Variants in LRFN5 observed in about 807,000 individuals in gnomAD.
LRFN5 encodes the protein leucine-rich repeat and fibronectin type-III domain-containing protein 5.
Under a neutral mutation model 45.6 loss-of-function variants are expected in LRFN5, and 24 were observed. That is an observed-to-expected ratio of 0.53 (90% confidence interval 0.38 to 0.74). The LOEUF (loss-of-function observed/expected upper bound fraction) is 0.74. Ranked by LOEUF, LRFN5 falls within the 30% of genes least tolerant of loss-of-function variation. The probability of loss-of-function intolerance (pLI) is 0.00; values close to 1 mark genes in which losing one functional copy is unlikely to be tolerated. For missense variants in LRFN5, 776 were observed against 861.5 expected (o/e 0.90, Z 1.24); for synonymous variants, 340 against 313.8 (o/e 1.08, Z -0.88).
intron 1 of LRFN5, among the ~76,000 whole-genome samples, chr14:41,634,405 C>T (rs560127838): frequency 7.2e-5 from 11 of 152,210 alleles, no homozygotes; most frequent in South Asian, 2.1e-4. Context: ...AGTTTCTCCC[C>T]GTGGAGTCTC....
intron 1 of LRFN5, among the ~76,000 whole-genome samples, chr14:41,610,661 T>TAAAAAAAAAAAAAAAAAA (rs199770856): frequency 0.027 from 1,020 of 37,182 alleles, 192 homozygotes; most frequent in Middle Eastern, 0.045. Context: ...CCAGGGAAGG[T>TAAAAAAAAAAAAAAAAAA]AAAAAAAAAA....
At chr14:41,898,828 A>C (rs1382279338) in intron 4 of LRFN5, 89 bp from the exon 5 acceptor site, 1 of 1,156,624 alleles carries the variant, frequency 8.6e-7, no homozygotes, top group South Asian at 1.4e-5. Flanking sequence ...CTTGATATGA[A>C]GTATTACCAA....
intron 1 of LRFN5, among the ~76,000 whole-genome samples, chr14:41,727,078 C>A (rs1883967662): frequency 6.6e-6 from 1 of 152,058 alleles, no homozygotes; most frequent in African/African-American, 2.4e-5. Flanking sequence ...TGAGACACTT[C>A]CATTTGAAGA....
At chr14:41,776,890 A>G (rs2138906541) in intron 2 of LRFN5, among the ~76,000 whole-genome samples, 1 of 152,138 alleles carries the variant, frequency 6.6e-6, no homozygotes, top group East Asian at 1.9e-4. Context: ...GATTTGCAGT[A>G]CTGTACAGTT....
rs59129586 is a variant in LRFN5 at position 41,704,448 on chromosome 14, C to CTGTGTGTGTGTGTGTGTGTG, written c.-196-62393_-196-62392insGTGTGTGTGTGTGTGTGTGT. Among the ~76,000 whole-genome samples, 361 of 124,256 alleles carry CTGTGTGTGTGTGTGTGTGTG rather than the reference C, an allele frequency of 2.9e-3. 9 individuals carry two copies. The highest frequency in any genetic ancestry group is 0.013 in the African/African-American group (335 of 25,930). 81.5% of individuals were successfully genotyped at this position (124,256 alleles called of 152,430 possible). On this transcript the variant is annotated intron_variant, in intron 1 of 5. Transcript: ENST00000298119. Reference sequence around the variant, plus strand: ...TCTCTCTCTCTCTCTCTCTCTCTCTCTGTGTGTGTGTGTCTGTGAGATTTG... The same window carrying CTGTGTGTGTGTGTGTGTGTG: ...TCTCTCTCTCTCTCTCTCTCTCTCTCTGTGTGTGTGTGTGTGTGTGTGTGTGTGTGTGTCTGTGAGATTTG...
intron 1 of LRFN5, among the ~76,000 whole-genome samples, chr14:41,719,424 T>C: frequency 6.6e-6 from 1 of 152,104 alleles, no homozygotes. Context: ...TTTTAATATA[T>C]GTTATACATA....
At chr14:41,781,784 T>A (rs1285154305) in intron 2 of LRFN5, among the ~76,000 whole-genome samples, 1 of 152,058 alleles carries the variant, frequency 6.6e-6, no homozygotes, top group East Asian at 1.9e-4. Context: ...TCTTTTTACT[T>A]TTTGGAGGAA....
intron 1 of LRFN5, among the ~76,000 whole-genome samples, chr14:41,637,292 C>G (rs1394456985): frequency 6.6e-6 from 1 of 152,112 alleles, no homozygotes; most frequent in Admixed American, 6.6e-5. Flanking sequence ...CATCATCTTG[C>G]AGTCAGCCAA....
chr14:41,649,377 T>A (rs1879977525), intron 1 of LRFN5, among the ~76,000 whole-genome samples: 1 of 152,128 alleles, frequency 6.6e-6, no homozygotes, highest in African/African-American at 2.4e-5. Flanking sequence ...GAAAAGCACT[T>A]GAGTAAATAT....
intron 2 of LRFN5, among the ~76,000 whole-genome samples, chr14:41,772,597 A>T (rs1173329071): frequency 6.6e-6 from 1 of 152,162 alleles, no homozygotes; most frequent in Non-Finnish European, 1.5e-5. Context: ...GACAATAAAA[A>T]ATTCTTTATA....
chr14:41,872,894 A>T (rs971045408), intron 2 of LRFN5, among the ~76,000 whole-genome samples: 1 of 152,240 alleles, frequency 6.6e-6, no homozygotes, highest in African/African-American at 2.4e-5. Flanking sequence ...GTGCACACAG[A>T]TATGCGTATA....
At chr14:41,791,331 T>C (rs1012818599) in intron 2 of LRFN5, among the ~76,000 whole-genome samples, 4 of 152,038 alleles carry the variant, frequency 2.6e-5, no homozygotes, top group Non-Finnish European at 5.9e-5. Context: ...TCTCTACAAA[T>C]GCAGATGATC....
chr14:41,692,865 T>C (rs1008845282), intron 1 of LRFN5, among the ~76,000 whole-genome samples: 1 of 152,154 alleles, frequency 6.6e-6, no homozygotes, highest in African/African-American at 2.4e-5. Flanking sequence ...ATTATCATTG[T>C]AGCTTTCATG....
chr14:41,642,271 C>T (rs890428175), intron 1 of LRFN5, among the ~76,000 whole-genome samples: 3 of 152,108 alleles, frequency 2.0e-5, no homozygotes, highest in Admixed American at 1.3e-4. Context: ...CTGGCTAGTG[C>T]ACATGTGGAG....
chr14:41,888,695 A>G (rs1236027164), intron 3 of LRFN5, among the ~76,000 whole-genome samples: 2 of 152,098 alleles, frequency 1.3e-5, no homozygotes, highest in South Asian at 2.1e-4. Context: ...TTCCAAAAAG[A>G]AACCTTATAA....
chr14:41,756,984 C>T (rs1253166651), intron 1 of LRFN5, among the ~76,000 whole-genome samples: 1 of 152,112 alleles, frequency 6.6e-6, no homozygotes, highest in African/African-American at 2.4e-5. Flanking sequence ...CTGTCAGGAC[C>T]CCCAGCTGCA....
intron 1 of LRFN5, among the ~76,000 whole-genome samples, chr14:41,662,470 A>G (rs184514514): frequency 1.2e-4 from 19 of 152,210 alleles, no homozygotes; most frequent in Admixed American, 3.9e-4. Flanking sequence ...TGATAGGACT[A>G]CAACCAACTG....
intron 1 of LRFN5, among the ~76,000 whole-genome samples, chr14:41,710,064 G>A (rs1594635817): frequency 6.6e-6 from 1 of 152,064 alleles, no homozygotes; most frequent in East Asian, 1.9e-4. Context: ...CAAATATCAT[G>A]ATAGAATATA....
rs1308767711 is a variant in LRFN5 at position 41,891,871 on chromosome 14, C to T, written c.2007C>T (p.Asn669=). 2 of 1,614,068 alleles carry T rather than the reference C, an allele frequency of 1.2e-6. No homozygotes were observed. The highest frequency in any genetic ancestry group is 3.3e-5 in the Admixed American group (2 of 59,994). The change falls in exon 4 of 6, where the codon AAC becomes AAT. Residue 669 remains asparagine (N), a synonymous_variant. Transcript: ENST00000298119. The stretch of plus-strand genomic sequence containing the variant: ...CAAATGTTGAATCCCAAAACACTAA[C>T]AGGAACAACTCAACTGCCTTGCAGT... The part of the protein sequence containing the change: ...AVTNVESQNT[N]RNNSTALQLA...
Sources: gnomAD v4.1 joint callset for allele counts (sites outside exome capture counted in the v4.1 genomes callset) on GRCh38, gnomAD v4.1.1 for gene constraint, MANE v1.5 for transcripts, NCBI Gene and HGNC (gene_info 2026-07-23, HGNC 2026-07-21) for gene names.